Variants in DNAH6 observed in about 807,000 individuals in gnomAD.
DNAH6 encodes axonemal beta dynein heavy chain 6.
A neutral mutation model predicts 491.4 loss-of-function variants in DNAH6; 340 were observed. The observed-to-expected ratio is 0.69, with a 90% CI of 0.63 to 0.76. The LOEUF (loss-of-function observed/expected upper bound fraction) is 0.76. Among genes scored for constraint, DNAH6 ranks in the 30% least tolerant of loss-of-function variants. The probability of loss-of-function intolerance (pLI) is 0.00; values close to 1 mark genes in which losing one functional copy is unlikely to be tolerated. For synonymous variants in DNAH6, 1,603 were observed against 1,686.1 expected (o/e 0.95, Z 1.21); for missense variants, 4,443 against 4,972.2 (o/e 0.89, Z 3.20).
At chr2:84,603,754 A>G (rs914121968) in intron 18 of DNAH6, among the ~76,000 whole-genome samples, 1 of 152,194 alleles carries the variant, frequency 6.6e-6, no homozygotes, top group African/African-American at 2.4e-5. Context: ...ATGAGTTATC[A>G]CTAGTGCCTT....
At chr2:84,524,519 C>T (rs1389543340) in intron 2 of DNAH6, among the ~76,000 whole-genome samples, 1 of 151,958 alleles carries the variant, frequency 6.6e-6, no homozygotes, top group Non-Finnish European at 1.5e-5. Context: ...TGTGTGGTTG[C>T]TTTAAAGTGT....
chr2:84,814,744 A>G (rs1442763870), intron 75 of DNAH6, among the ~76,000 whole-genome samples: 3 of 152,110 alleles, frequency 2.0e-5, no homozygotes, highest in African/African-American at 7.2e-5. Context: ...CCTAGTTCAT[A>G]CCATGTCTCT....
chr2:84,584,382 TAC>T, intron 15 of DNAH6, 132 bp downstream of exon 15: 1 of 932,520 alleles, frequency 1.1e-6, no homozygotes, highest in Non-Finnish European at 1.6e-6. Flanking sequence ...GATATACGTA[TAC>T]ATTGTGAAAT....
At chr2:84,471,819 G>A in the DNAH6 span, among the ~76,000 whole-genome samples, 1 of 152,194 alleles carries the variant, frequency 6.6e-6, no homozygotes, top group Admixed American at 6.5e-5. Flanking sequence ...CTGATAATGA[G>A]AAACAGACCC....
At chr2:84,611,527 G>A in intron 21 of DNAH6, 147 bp from the exon 22 acceptor site, 1 of 674,330 alleles carries the variant, frequency 1.5e-6, no homozygotes, top group Non-Finnish European at 2.5e-6. Flanking sequence ...ACCTTGTAAG[G>A]AATTTAATTT....
intron 29 of DNAH6, among the ~76,000 whole-genome samples, chr2:84,627,542 T>A (rs1687996097): frequency 6.6e-6 from 1 of 152,234 alleles, no homozygotes; most frequent in Non-Finnish European, 1.5e-5. Flanking sequence ...TTTGGAGGTT[T>A]AATAATATTT....
intron 70 of DNAH6, among the ~76,000 whole-genome samples, chr2:84,803,322 A>C (rs1430671711): frequency 6.6e-6 from 1 of 152,216 alleles, no homozygotes; most frequent in Non-Finnish European, 1.5e-5. Context: ...AAGGAAGAAA[A>C]GAGTTGAAAA....
At chr2:84,514,189 A>G (rs1675444282), upstream of DNAH6, among the ~76,000 whole-genome samples, 1 of 152,120 alleles carries the variant, frequency 6.6e-6, no homozygotes, top group Admixed American at 6.5e-5. Flanking sequence ...GGATTCCCTT[A>G]TTTCTGTGAG....
At chr2:84,754,240 C>T (rs1673777567) in intron 63 of DNAH6, among the ~76,000 whole-genome samples, 1 of 151,932 alleles carries the variant, frequency 6.6e-6, no homozygotes, top group Admixed American at 6.6e-5. Flanking sequence ...AGTGCAATGG[C>T]ACGATCTCGG....
chr2:84,756,085 A>G (rs1319302343), intron 63 of DNAH6, among the ~76,000 whole-genome samples: 1 of 152,172 alleles, frequency 6.6e-6, no homozygotes, highest in East Asian at 1.9e-4. Context: ...TCTTTTGTAA[A>G]TTGCCCAGTC....
chr2:84,759,499 ACT>A (rs144673185), intron 63 of DNAH6, among the ~76,000 whole-genome samples: 5,666 of 152,170 alleles, frequency 0.037, 122 homozygotes, highest in Middle Eastern at 0.095. Context: ...ACAGAGCAAG[ACT>A]CTGTCTCAAA....
chr2:84,604,796 TAAGA>T (rs780478656), intron 19 of DNAH6, among the ~76,000 whole-genome samples: 7 of 152,172 alleles, frequency 4.6e-5, no homozygotes, highest in Non-Finnish European at 8.8e-5. Context: ...CATGCTTATA[TAAGA>T]AATCATATAC....
intron 23 of DNAH6, among the ~76,000 whole-genome samples, chr2:84,618,060 C>G (rs539152888): frequency 2.0e-5 from 3 of 152,068 alleles, no homozygotes; most frequent in African/African-American, 7.2e-5. Context: ...AGAACTGAAA[C>G]TGAAATTTTA....
the DNAH6 span, among the ~76,000 whole-genome samples, chr2:84,481,998 A>G: frequency 2.0e-5 from 3 of 152,168 alleles, no homozygotes; most frequent in Non-Finnish European, 4.4e-5. Flanking sequence ...ACACCCCGTG[A>G]TGCTAGATGG....
chr2:84,473,846 CACA>C, the DNAH6 span, among the ~76,000 whole-genome samples: 1 of 152,138 alleles, frequency 6.6e-6, no homozygotes, highest in Non-Finnish European at 1.5e-5. Flanking sequence ...CTGTTTGTAG[CACA>C]ACATCAATTC....
At chr2:84,505,763 G>A in the DNAH6 span, among the ~76,000 whole-genome samples, 1 of 152,148 alleles carries the variant, frequency 6.6e-6, no homozygotes, top group African/African-American at 2.4e-5. Flanking sequence ...CTGTGTCCGT[G>A]TGTTCTCATT....
At chr2:84,674,150 T>C (rs1428468471) in intron 40 of DNAH6, among the ~76,000 whole-genome samples, 1 of 152,216 alleles carries the variant, frequency 6.6e-6, no homozygotes, top group Admixed American at 6.5e-5. Flanking sequence ...ATTTCCCACC[T>C]ACTAGCACCC....
intron 37 of DNAH6, among the ~76,000 whole-genome samples, chr2:84,662,886 G>A (rs1440789010): frequency 6.6e-6 from 1 of 152,148 alleles, no homozygotes; most frequent in South Asian, 2.1e-4. Context: ...ATACAGCTGG[G>A]TGCCCCTCTG....
chr2:84,504,283 G>A, the DNAH6 span, among the ~76,000 whole-genome samples: 5 of 152,068 alleles, frequency 3.3e-5, no homozygotes, highest in African/African-American at 1.2e-4. Context: ...TTTGTTAAAT[G>A]TATCTGATAG....
Sources: gnomAD v4.1 joint callset for allele counts (sites outside exome capture counted in the v4.1 genomes callset) on GRCh38, gnomAD v4.1.1 for gene constraint, MANE v1.5 for transcripts, NCBI Gene and HGNC (gene_info 2026-07-23, HGNC 2026-07-21) for gene names.